Variants in KIAA1549 observed in about 807,000 individuals in gnomAD.
KIAA1549 encodes KIAA1549.
Under a neutral mutation model 156.4 loss-of-function variants are expected in KIAA1549, and 70 were observed. The ratio of observed to expected loss-of-function variants is 0.45; its 90% CI spans 0.37 to 0.55. The LOEUF is 0.55. Ranked by LOEUF, KIAA1549 falls within the 20% of genes least tolerant of loss-of-function variation. The pLI, the probability that KIAA1549 is intolerant of heterozygous loss-of-function variation, is 0.00. For missense variants in KIAA1549, 2,428 were observed against 2,540.9 expected, an observed-to-expected ratio of 0.96 and a Z score of 0.96; for synonymous variants, 1,103 against 1,066.4, an observed-to-expected ratio of 1.03 and a Z score of -0.67.
intron 1 of KIAA1549, among the ~76,000 whole-genome samples, chr7:138,920,150 AC>A (rs1812521707): frequency 4.4e-4 from 63 of 144,036 alleles, no homozygotes; most frequent in Admixed American, 1.2e-3. Flanking sequence ...GCACATTCTC[AC>A]CCCCGCCTGG....
At chr7:138,851,590 G>A (rs1193097877) in intron 17 of KIAA1549, among the ~76,000 whole-genome samples, 1 of 151,308 alleles carries the variant, frequency 6.6e-6, no homozygotes, top group African/African-American at 2.4e-5. Context: ...GTGGAAGGGG[G>A]GCTACTGTAG....
At position 138,837,949 on chromosome 7, in the gene KIAA1549, C is replaced by T. The variant is rs572566754; in HGVS notation, c.5810G>A (p.Arg1937Gln). ...CACGGTGCTCTGTTTCTGGGAGAGC[C>T]GGAGGAGCTCCTCGCGGATTGCTTT... is the stretch of plus-strand genomic sequence containing the variant. Reference protein sequence around the residue: ...LIKAIREELLRLSQKQSTVQN... With the variant: ...LIKAIREELLQLSQKQSTVQN... Residue 1937 changes from arginine (R) to glutamine (Q), a missense_variant, in exon 20 of 20, where the codon CGG (arginine) becomes CAG (glutamine). By Grantham distance (43) the Arg-to-Gln change is conservative. Coordinates refer to ENST00000422774, the MANE Select transcript of KIAA1549 (RefSeq NM_001164665.2). The T allele has an allele frequency of 3.2e-5, 51 of 1,613,742 alleles. 1 individual carries two copies. The highest frequency in any genetic ancestry group is 3.9e-5 in the Non-Finnish European group (46 of 1,179,898).
intron 2 of KIAA1549, among the ~76,000 whole-genome samples, chr7:138,914,325 C>T (rs1489453314): frequency 5.9e-5 from 9 of 152,188 alleles, no homozygotes; most frequent in Admixed American, 5.9e-4. Flanking sequence ...AAATATCTTA[C>T]AGATCTTTTC....
intron 17 of KIAA1549, among the ~76,000 whole-genome samples, chr7:138,846,762 A>G (rs1423410212): frequency 6.6e-6 from 1 of 152,076 alleles, no homozygotes; most frequent in Non-Finnish European, 1.5e-5. Flanking sequence ...GAAATTCAAG[A>G]AAAAAAAGAT....
intron 1 of KIAA1549, among the ~76,000 whole-genome samples, chr7:138,939,983 C>CA (rs202222244): frequency 8.1e-4 from 123 of 151,924 alleles, no homozygotes; most frequent in African/African-American, 2.3e-3. Context: ...CCCATTTCTA[C>CA]AAAAAAAATT....
intron 1 of KIAA1549, among the ~76,000 whole-genome samples, chr7:138,938,037 C>A (rs1462579591): frequency 6.6e-6 from 1 of 152,004 alleles, no homozygotes; most frequent in Non-Finnish European, 1.5e-5. Flanking sequence ...AAACCTAACC[C>A]GAAGGTGATG....
chr7:138,921,056 T>C (rs768108501), intron 1 of KIAA1549, among the ~76,000 whole-genome samples: 25 of 152,328 alleles, frequency 1.6e-4, no homozygotes, highest in African/African-American at 6.0e-4. Flanking sequence ...CTGGACCAGC[T>C]GGCCTGTTGT....
chr7:138,838,611 G>A lies in KIAA1549; in HGVS notation c.5599-451C>T, dbSNP rs190049172. Among the ~76,000 whole-genome samples the A allele has an allele frequency of 2.0e-3, 302 of 152,214 alleles. 4 individuals are homozygous for A. The South Asian group carries it at 0.03, about 15-fold the overall frequency. On this transcript the variant is annotated intron_variant, in intron 19 of 19. Coordinates refer to ENST00000422774, the MANE Select transcript of KIAA1549 (RefSeq NM_001164665.2). ...TAAAATAGTTTTGCTGATATTTGCC[G>A]CATAGAGATTAATTTGGCAGGAGTT...
At chr7:138,969,709 C>G (rs1563098274) in intron 1 of KIAA1549, among the ~76,000 whole-genome samples, 1 of 152,162 alleles carries the variant, frequency 6.6e-6, no homozygotes, top group Non-Finnish European at 1.5e-5. Flanking sequence ...TCTCCTGCCT[C>G]AGCCTCCCAA....
Position 138,837,753 on chromosome 7 carries a change from G to A in KIAA1549, c.*153C>T, listed in dbSNP as rs1809766694. The A allele has an allele frequency of 1.5e-5, 11 of 746,486 alleles. No individual in the cohort carries two copies. Among genetic ancestry groups the A allele is most frequent in the Admixed American group, 2.9e-5 (1 of 34,900 alleles). The allele number at this position is 746,486 out of a possible 1,614,324, so 46.2% of individuals were successfully genotyped here. A position where few individuals can be genotyped will look rare whatever the true frequency, so the allele number is the denominator to read the frequency against. ...AAAGGCTCATGAGCTGTCACACGACGTATGGCATCTTCTAAATTGCAACTT... is the reference window on the plus strand; with the variant it reads ...AAAGGCTCATGAGCTGTCACACGACATATGGCATCTTCTAAATTGCAACTT... On this transcript the variant is annotated 3_prime_UTR_variant, in exon 20 of 20. Coordinates refer to ENST00000422774, the MANE Select transcript of KIAA1549 (RefSeq NM_001164665.2).
At chr7:138,856,712 G>A (rs1248400517) in intron 16 of KIAA1549, among the ~76,000 whole-genome samples, 10 of 152,108 alleles carry the variant, frequency 6.6e-5, no homozygotes, top group African/African-American at 1.2e-4. Context: ...TTTAGTGCCC[G>A]CTCTGTTACT....
chr7:138,964,011 GT>G (rs1010234898), intron 1 of KIAA1549, among the ~76,000 whole-genome samples: 2 of 152,174 alleles, frequency 1.3e-5, no homozygotes, highest in African/African-American at 4.8e-5. Flanking sequence ...AACTTTTTGA[GT>G]TTTTTTATTG....
intron 17 of KIAA1549, among the ~76,000 whole-genome samples, chr7:138,850,165 C>T (rs931965419): frequency 5.9e-5 from 9 of 152,116 alleles, no homozygotes; most frequent in African/African-American, 1.9e-4. Context: ...AATCAAAACA[C>T]ATTTTATGAA....
At chr7:138,972,092 A>G (rs1327863258) in intron 1 of KIAA1549, among the ~76,000 whole-genome samples, 1 of 152,102 alleles carries the variant, frequency 6.6e-6, no homozygotes, top group Admixed American at 6.5e-5. Context: ...GGTACAGCAG[A>G]AACATTCAAG....
At position 138,869,776 on chromosome 7, in the gene KIAA1549, G is replaced by C. The variant is rs772691904; in HGVS notation, c.4552-15C>G. 6.3e-7 allele frequency: 1 copy of C among 1,597,278 alleles called. No individual in the cohort carries two copies. Among genetic ancestry groups the C allele is most frequent in the South Asian group, 1.1e-5 (1 of 89,856 alleles). ...GCGGTCTGAATCTGAGGAAGGGTGAGGGAGAGAAAGACAGCCATAGAGGTC... is the reference window on the plus strand; with the variant it reads ...GCGGTCTGAATCTGAGGAAGGGTGACGGAGAGAAAGACAGCCATAGAGGTC... On this transcript the variant is annotated splice_polypyrimidine_tract_variant and intron_variant, in intron 13 of 19. Coordinates refer to ENST00000422774, the MANE Select transcript of KIAA1549 (RefSeq NM_001164665.2).
At chr7:138,955,558 T>C (rs770718639) in intron 1 of KIAA1549, among the ~76,000 whole-genome samples, 4 of 151,502 alleles carry the variant, frequency 2.6e-5, no homozygotes, top group Non-Finnish European at 4.4e-5. Context: ...GTGGTGACGA[T>C]GGCACAGCAG....
intron 1 of KIAA1549, among the ~76,000 whole-genome samples, chr7:138,942,030 C>A (rs1813197945): frequency 6.6e-6 from 1 of 152,182 alleles, no homozygotes; most frequent in Non-Finnish European, 1.5e-5. Context: ...CCAATAGCCA[C>A]CCTCTCCCAG....
At chr7:138,956,016 C>T (rs2130547650) in intron 1 of KIAA1549, among the ~76,000 whole-genome samples, 1 of 152,276 alleles carries the variant, frequency 6.6e-6, no homozygotes, top group South Asian at 2.1e-4. Context: ...GCCTCAGCTT[C>T]CCAAGTAGGT....
At position 138,917,848 on chromosome 7, in the gene KIAA1549, C is replaced by A. The variant is rs959779444; in HGVS notation, c.1778G>T (p.Ser593Ile). Residue 593 changes from serine (S) to isoleucine (I), a missense_variant, in exon 2 of 20, where the codon AGT becomes ATT. By Grantham distance (142) the Ser-to-Ile change is moderately radical (BLOSUM62 -2). This residue lies in a region of KIAA1549 where 893 missense variants were observed against 847.9 expected (regional missense o/e 1.05). Coordinates refer to ENST00000422774, the MANE Select transcript of KIAA1549 (RefSeq NM_001164665.2). ...VRDPSVFTPY[S>I]LVPSVESSLF... ...TGAAGACTCCACTGAAGGAACCAGA[C>A]TATAAGGCGTAAAAACACTCGGGTC... The A allele has an allele frequency of 1.2e-5, 19 of 1,603,502 alleles. No homozygotes were observed. The highest frequency in any genetic ancestry group is 1.4e-5 in the Non-Finnish European group (17 of 1,175,000).
Sources: allele counts gnomAD v4.1 joint callset (sites outside exome capture counted in the v4.1 genomes callset), GRCh38; gene constraint gnomAD v4.1.1; regional missense constraint gnomAD v4.1.1; transcripts MANE v1.5; gene names NCBI Gene and HGNC (gene_info 2026-07-23, HGNC 2026-07-21).